The following MRPL30 variants were observed in gnomAD, a reference collection of about 807,000 sequenced individuals.
The protein encoded by MRPL30 is large ribosomal subunit protein uL30m.
A neutral mutation model predicts 17.2 loss-of-function variants in MRPL30; 10 were observed. The ratio of observed to expected loss-of-function variants is 0.58; its 90% CI spans 0.36 to 0.99. The LOEUF (loss-of-function observed/expected upper bound fraction) is 0.99, where lower values mean the gene tolerates loss of function less well. Ranked by LOEUF, MRPL30 falls within the 50% of genes least tolerant of loss-of-function variation. The pLI is 0.01. For missense variants in MRPL30, 170 were observed against 189.8 expected, an observed-to-expected ratio of 0.90 and a Z score of 0.61; for synonymous variants, 61 against 62.1, an observed-to-expected ratio of 0.98 and a Z score of 0.08.
At chr2:99,182,661 A>G (rs938136528) in intron 1 of MRPL30, among the ~76,000 whole-genome samples, 13 of 152,274 alleles carry the variant, frequency 8.5e-5, no homozygotes, top group Non-Finnish European at 1.3e-4. Flanking sequence ...GCTGAGTTCA[A>G]TACCAGAAAC....
At chr2:99,182,502 C>A (rs2093926171) in intron 1 of MRPL30, among the ~76,000 whole-genome samples, 1 of 152,238 alleles carries the variant, frequency 6.6e-6, no homozygotes, top group African/African-American at 2.4e-5. Flanking sequence ...TTGCAGTGAA[C>A]CCAGATCGTG....
rs1574843862 is a variant in MRPL30 at position 99,186,200 on chromosome 2, A to G, written c.-4A>G. 1 of 1,613,922 alleles carries G rather than the reference A, an allele frequency of 6.2e-7. No individual in the cohort carries two copies. Among genetic ancestry groups the G allele is most frequent in the South Asian group, 1.1e-5 (1 of 91,070 alleles). On this transcript the variant is annotated 5_prime_UTR_variant, in exon 2 of 6. Transcript: ENST00000338148. ...AGCCTCTAAAGAGAGCAATCACTAC[A>G]CTTATGGCTGGGATTTTGCGCTTAG...
chr2:99,186,279 G>C (rs1320507771), intron 2 of MRPL30, 25 bp downstream of exon 2: 8 of 1,609,584 alleles, frequency 5.0e-6, no homozygotes, highest in Middle Eastern at 1.7e-4. Context: ...TCAAGAATTT[G>C]TCTTTTCTAC....
At chr2:99,181,385 GA>G (rs2093920443) in intron 1 of MRPL30, 136 bp downstream of exon 1, 1 of 159,432 alleles carries the variant, frequency 6.3e-6, no homozygotes, top group African/African-American at 2.4e-5. Flanking sequence ...GTCTGCCCCT[GA>G]TCCCGTCACA....
chr2:99,195,805 C>T lies in MRPL30; in HGVS notation c.*100C>T, dbSNP rs927693843. The T allele has an allele frequency of 1.9e-5, 29 of 1,550,958 alleles. No individual in the cohort carries two copies. The highest frequency in any genetic ancestry group is 2.4e-4 in the Middle Eastern group (1 of 4,248). On this transcript the variant is annotated 3_prime_UTR_variant, in exon 6 of 6. Transcript: ENST00000338148. The stretch of plus-strand genomic sequence containing the variant: ...TATGTTTTCAAAACCATTTTCAGGC[C>T]GGGCACGGTGGCTCACCTGTAATCC...
At chr2:99,192,920 A>G (rs1321050200) in intron 3 of MRPL30, among the ~76,000 whole-genome samples, 1 of 152,230 alleles carries the variant, frequency 6.6e-6, no homozygotes, top group African/African-American at 2.4e-5. Flanking sequence ...GGCATGGGCA[A>G]AGCCTTCATG....
At chr2:99,192,752 G>T (rs992943359) in intron 3 of MRPL30, among the ~76,000 whole-genome samples, 21 of 152,204 alleles carry the variant, frequency 1.4e-4, no homozygotes, top group African/African-American at 5.1e-4. Flanking sequence ...TATATACCCA[G>T]TAATGGGATT....
chr2:99,195,527 G>C (rs375211761), intron 5 of MRPL30, 46 bp from the exon 6 acceptor site: 1 of 1,568,034 alleles, frequency 6.4e-7, no homozygotes, highest in Admixed American at 2.1e-5. Context: ...GATATAGAAC[G>C]CTAGAACGTA....
chr2:99,192,979 G>A (rs532217623), intron 3 of MRPL30, among the ~76,000 whole-genome samples: 67 of 152,306 alleles, frequency 4.4e-4, no homozygotes, highest in African/African-American at 1.3e-3. Context: ...TGACAAATGG[G>A]ATCTAATTAA....
chr2:99,198,278 A>T lies in MRPL30; in HGVS notation c.*2573A>T, dbSNP rs1412559655. On this transcript the variant is annotated 3_prime_UTR_variant, in exon 6 of 6. Coordinates refer to ENST00000338148, the MANE Select transcript of MRPL30 (RefSeq NM_145212.4). ...GGCTTAGCTGGGTAGTCTGTTTAGGATCTCAGTGCTGGAAAAACGTGTCTG... is the reference window on the plus strand; with the variant it reads ...GGCTTAGCTGGGTAGTCTGTTTAGGTTCTCAGTGCTGGAAAAACGTGTCTG... Among the ~76,000 whole-genome samples, 1 of 152,102 alleles carries T rather than the reference A, an allele frequency of 6.6e-6. No homozygotes were observed. The highest frequency in any genetic ancestry group is 6.5e-5 in the Admixed American group (1 of 15,274).
chr2:99,186,532 C>T (rs114340896), intron 2 of MRPL30, among the ~76,000 whole-genome samples: 2,377 of 152,130 alleles, frequency 0.016, 50 homozygotes, highest in African/African-American at 0.053. Flanking sequence ...GGGGGTTTCA[C>T]CATATTGGCC....
rs1176459369 is a variant in MRPL30 at position 99,183,556 on chromosome 2, G to A, written c.-28+2307G>A. Among the ~76,000 whole-genome samples the A allele has an allele frequency of 3.6e-5, 5 of 138,406 alleles. No homozygotes were observed. In the East Asian group the frequency reaches 6.9e-4, roughly 19 times the overall value. The allele number at this position is 138,406 out of a possible 152,430, so 90.8% of individuals were successfully genotyped here. On this transcript the variant is annotated intron_variant, in intron 1 of 5. Transcript: ENST00000338148. Reference sequence around the variant, plus strand: ...TGCACTCCAGCCTGGGTGACAAAGCGAGACTCTGTCTCAAAAAAAAAAAAA... The same window carrying A: ...TGCACTCCAGCCTGGGTGACAAAGCAAGACTCTGTCTCAAAAAAAAAAAAA...
chr2:99,195,096 T>TTTG lies in MRPL30; in HGVS notation c.280-8_280-6dup, dbSNP rs761414419. The TTTG allele has an allele frequency of 2.6e-6, 4 of 1,562,640 alleles. No individual in the cohort carries two copies. The highest frequency in any genetic ancestry group is 4.5e-5 in the East Asian group (2 of 43,970). On this transcript the variant is annotated intron_variant, in intron 4 of 5. Transcript: ENST00000338148. Reference sequence around the variant, plus strand: ...CTGCTTTTCAGATTGATAACGTTGCTTTGTTGTTGTTGTTCACAGGCACAT... The same window carrying TTTG: ...CTGCTTTTCAGATTGATAACGTTGCTTTGTTGTTGTTGTTGTTCACAGGCACAT...
intron 1 of MRPL30, among the ~76,000 whole-genome samples, 185 bp downstream of exon 1, chr2:99,181,434 C>T (rs541377082): frequency 6.6e-6 from 1 of 152,296 alleles, no homozygotes; most frequent in African/African-American, 2.4e-5. Context: ...AGGATCCCCC[C>T]GTTTCCCAAT....
intron 3 of MRPL30, among the ~76,000 whole-genome samples, chr2:99,192,357 C>G (rs538747331): frequency 5.3e-5 from 8 of 152,212 alleles, no homozygotes; most frequent in Non-Finnish European, 1.2e-4. Context: ...TTTGCTGCAC[C>G]TATCAACCCG....
intron 3 of MRPL30, among the ~76,000 whole-genome samples, chr2:99,189,876 CTT>C (rs2093941489): frequency 6.6e-6 from 1 of 151,340 alleles, no homozygotes; most frequent in Non-Finnish European, 1.5e-5. Context: ...CTCCAGAACT[CTT>C]TTCATCTTGC....
chr2:99,182,897 A>G (rs147489291), intron 1 of MRPL30, among the ~76,000 whole-genome samples: 2,275 of 152,336 alleles, frequency 0.015, 19 homozygotes, highest in Middle Eastern at 0.082. Context: ...TTGAATGTAC[A>G]TGCACTAAAC....
intron 3 of MRPL30, among the ~76,000 whole-genome samples, chr2:99,190,557 C>T (rs1042067191): frequency 3.3e-5 from 5 of 152,154 alleles, no homozygotes; most frequent in Admixed American, 2.6e-4. Flanking sequence ...GACCTTGTCT[C>T]AAAACAAAAT....
At chr2:99,195,482 CTA>C (rs1360474448) in intron 5 of MRPL30, 89 bp from the exon 6 acceptor site, 3 of 1,388,584 alleles carry the variant, frequency 2.2e-6, no homozygotes, top group Non-Finnish European at 2.9e-6. Flanking sequence ...CTATTTGAAA[CTA>C]TGTGTTATTG....
Sources: allele counts gnomAD v4.1 joint callset (sites outside exome capture counted in the v4.1 genomes callset), GRCh38; gene constraint gnomAD v4.1.1; transcripts MANE v1.5; gene names NCBI Gene and HGNC (gene_info 2026-07-23, HGNC 2026-07-21).